The following CNTN5 variants were observed in gnomAD, a reference collection of about 807,000 sequenced individuals.
CNTN5 encodes the protein contactin-5.
Under a neutral mutation model 129.1 loss-of-function variants are expected in CNTN5, and 77 were observed. The observed-to-expected ratio is 0.60, with a 90% CI of 0.50 to 0.72. CNTN5 has a LOEUF of 0.72. Ranked by LOEUF, CNTN5 falls within the 30% of genes least tolerant of loss-of-function variation. CNTN5 has a pLI of 0.00. For missense variants in CNTN5, 1,478 were observed against 1,328.8 expected (o/e 1.11, Z -1.75); for synonymous variants, 509 against 465.6 (o/e 1.09, Z -1.20).
intron 1 of CNTN5, among the ~76,000 whole-genome samples, chr11:99,295,455 G>A (rs1006087844): frequency 6.6e-6 from 1 of 152,204 alleles, no homozygotes; most frequent in African/African-American, 2.4e-5. Context: ...CCTATTATGA[G>A]TGAGACATTT....
chr11:99,710,479 G>C (rs1954929061), intron 3 of CNTN5, among the ~76,000 whole-genome samples: 1 of 151,796 alleles, frequency 6.6e-6, no homozygotes. Context: ...TGGAAACAAA[G>C]GGAGGATGGT....
intron 21 of CNTN5, among the ~76,000 whole-genome samples, chr11:100,328,305 C>T (rs1471264629): frequency 6.6e-6 from 1 of 152,076 alleles, no homozygotes; most frequent in Non-Finnish European, 1.5e-5. Context: ...GCAGTAAGCT[C>T]AGATCATGCC....
chr11:99,936,329 G>A (rs765552035), intron 7 of CNTN5, among the ~76,000 whole-genome samples: 17 of 152,232 alleles, frequency 1.1e-4, no homozygotes, highest in East Asian at 5.8e-4. Context: ...TGTTGTTTGC[G>A]TTTAGTAAAG....
intron 3 of CNTN5, among the ~76,000 whole-genome samples, chr11:99,657,124 C>T (rs923811767): frequency 4.6e-5 from 7 of 150,846 alleles, no homozygotes; most frequent in East Asian, 1.9e-4. Context: ...ATGAAAAAAT[C>T]GCAAACCTCC....
chr11:99,920,109 T>G (rs1432540568), intron 7 of CNTN5, among the ~76,000 whole-genome samples: 2 of 152,152 alleles, frequency 1.3e-5, no homozygotes, highest in African/African-American at 4.8e-5. Flanking sequence ...TAGTATTTCA[T>G]TTTAAGGACA....
chr11:99,178,313 TCC>T (rs1491466632), intron 1 of CNTN5, among the ~76,000 whole-genome samples: 4 of 116,790 alleles, frequency 3.4e-5, no homozygotes, highest in Admixed American at 9.3e-5. Context: ...AGACCTCATC[TCC>T]ACACACACAC....
At chr11:99,657,143 C>A (rs1952404382) in intron 3 of CNTN5, among the ~76,000 whole-genome samples, 1 of 151,774 alleles carries the variant, frequency 6.6e-6, no homozygotes, top group African/African-American at 2.4e-5. Context: ...CCAACAAAAT[C>A]TATACAGAAA....
At chr11:99,182,571 C>A (rs1034898959) in intron 1 of CNTN5, among the ~76,000 whole-genome samples, 21 of 152,092 alleles carry the variant, frequency 1.4e-4, no homozygotes, top group African/African-American at 5.1e-4. Flanking sequence ...CAAGAACATT[C>A]TCTTGTTTTT....
chr11:100,064,253 T>C (rs1176954768), intron 10 of CNTN5, among the ~76,000 whole-genome samples: 2 of 152,194 alleles, frequency 1.3e-5, no homozygotes, highest in African/African-American at 2.4e-5. Context: ...AGAATACTTA[T>C]GCTTAGCTAT....
chr11:100,324,608 AAAGAAT>A (rs1333434075), intron 21 of CNTN5, among the ~76,000 whole-genome samples: 1 of 152,184 alleles, frequency 6.6e-6, no homozygotes, highest in Non-Finnish European at 1.5e-5. Flanking sequence ...ATGTTTCAAT[AAAGAAT>A]ATGAAGAAGG....
intron 7 of CNTN5, among the ~76,000 whole-genome samples, chr11:99,937,069 AAAAT>A (rs1950332243): frequency 6.6e-6 from 1 of 152,228 alleles, no homozygotes; most frequent in Non-Finnish European, 1.5e-5. Flanking sequence ...AAAAAGAAAA[AAAAT>A]AAAACAGGAT....
chr11:99,245,436 C>T (rs181310478), intron 1 of CNTN5, among the ~76,000 whole-genome samples: 6 of 152,098 alleles, frequency 3.9e-5, no homozygotes, highest in Admixed American at 6.6e-5. Flanking sequence ...CTCCTGACTC[C>T]GCCTCCCAAG....
intron 2 of CNTN5, among the ~76,000 whole-genome samples, chr11:99,449,915 G>A (rs1944229443): frequency 6.6e-6 from 1 of 152,126 alleles, no homozygotes. Flanking sequence ...TGTATTTTTT[G>A]CTCTACATTA....
At chr11:99,667,429 A>G (rs749131647) in intron 3 of CNTN5, among the ~76,000 whole-genome samples, 4 of 152,076 alleles carry the variant, frequency 2.6e-5, no homozygotes, top group Non-Finnish European at 4.4e-5. Context: ...TTGCTTCTTT[A>G]TTTTTACACC....
intron 18 of CNTN5, among the ~76,000 whole-genome samples, chr11:100,289,365 A>G (rs1458280348): frequency 3.3e-5 from 5 of 151,960 alleles, no homozygotes; most frequent in Non-Finnish European, 7.4e-5. Flanking sequence ...CCTCAATAAA[A>G]TACTGGCAAA....
At chr11:100,071,871 A>T (rs1943936197) in intron 12 of CNTN5, 37 bp downstream of exon 12, 3 of 1,528,670 alleles carry the variant, frequency 2.0e-6, no homozygotes, top group South Asian at 1.3e-5. Flanking sequence ...GAAAAAAAAA[A>T]CCTTGCTTCT....
chr11:99,656,559 C>G (rs1952373208), intron 3 of CNTN5, among the ~76,000 whole-genome samples: 1 of 152,190 alleles, frequency 6.6e-6, no homozygotes, highest in South Asian at 2.1e-4. Flanking sequence ...CTAGACTGTC[C>G]TGGACCCATG....
At chr11:99,607,981 G>A (rs1204712520) in intron 3 of CNTN5, among the ~76,000 whole-genome samples, 2 of 133,176 alleles carry the variant, frequency 1.5e-5, no homozygotes, top group Admixed American at 7.7e-5. Context: ...GGATAGCATT[G>A]GGAGATATAC....
chr11:99,895,849 C>T (rs761261491), intron 6 of CNTN5, among the ~76,000 whole-genome samples: 1 of 152,212 alleles, frequency 6.6e-6, no homozygotes, highest in South Asian at 2.1e-4. Context: ...CAGCCACTGC[C>T]CCACTGAGAA....
Sources: gnomAD v4.1 joint callset for allele counts (sites outside exome capture counted in the v4.1 genomes callset) on GRCh38, gnomAD v4.1.1 for gene constraint, MANE v1.5 for transcripts, NCBI Gene and HGNC (gene_info 2026-07-23, HGNC 2026-07-21) for gene names.